Variants in KDM4B observed in about 807,000 individuals in gnomAD.
KDM4B encodes the protein lysine demethylase 4B, also known as lysine-specific demethylase 4B.
A neutral mutation model predicts 125.2 loss-of-function variants in KDM4B; 32 were observed. That is an observed-to-expected ratio of 0.26 (90% CI 0.19 to 0.34). KDM4B has a LOEUF of 0.34. KDM4B is among the 10% of genes least tolerant of loss of function. The pLI is 1.00. For synonymous variants in KDM4B, 721 were observed against 677.9 expected (o/e 1.06, Z -0.99); for missense variants, 1,190 against 1,577.7 (o/e 0.75, Z 4.16).
chr19:5,114,128 C>G lies in KDM4B; in HGVS notation c.1115+3310C>G. On this transcript the variant is annotated intron_variant, in intron 10 of 22. Transcript: ENST00000159111. The surrounding 1 kb of genome is among the most constrained non-coding windows in gnomAD (Gnocchi z 5.8). ...TGTGCGTTCTGGTGCCCTGCCTGAG[C>G]CGGAGCCCTCACAGTGCTCTCTGGC... 3.1e-6 allele frequency: 4 copies of G among 1,289,568 alleles called. No homozygotes were observed. Among genetic ancestry groups the G allele is most frequent in the South Asian group, 2.5e-5 (2 of 81,024 alleles). 79.9% of individuals were successfully genotyped at this position (1,289,568 alleles called of 1,614,324 possible).
At chr19:5,145,902 G>A (rs916129429) in intron 21 of KDM4B, among the ~76,000 whole-genome samples, 10 of 152,172 alleles carry the variant, frequency 6.6e-5, no homozygotes, top group Admixed American at 1.3e-4. Context: ...TCTTTACCAC[G>A]TCGGTTAAGG....
At chr19:5,026,872 C>G (rs1599445653) in intron 2 of KDM4B, among the ~76,000 whole-genome samples, 1 of 152,356 alleles carries the variant, frequency 6.6e-6, no homozygotes, top group East Asian at 1.9e-4. Flanking sequence ...TAGGAGCTGA[C>G]TGCCGCCCCC....
intron 3 of KDM4B, among the ~76,000 whole-genome samples, chr19:5,038,355 G>T (rs1054166047): frequency 1.3e-5 from 2 of 152,242 alleles, no homozygotes; most frequent in South Asian, 2.1e-4. Flanking sequence ...GGAACATGAG[G>T]CTGGGGACAA....
chr19:5,125,271 C>A (rs1003568565), intron 11 of KDM4B, among the ~76,000 whole-genome samples: 1 of 152,188 alleles, frequency 6.6e-6, no homozygotes, highest in Non-Finnish European at 1.5e-5. Flanking sequence ...CCAGCCCCGG[C>A]GTTACCTGCT....
At chr19:5,113,642 T>C (rs2039195874) in intron 10 of KDM4B, among the ~76,000 whole-genome samples, 1 of 152,150 alleles carries the variant, frequency 6.6e-6, no homozygotes, top group African/African-American at 2.4e-5. Context: ...CTTCTCTGGT[T>C]GGGGGAGCAT....
intron 21 of KDM4B, among the ~76,000 whole-genome samples, chr19:5,149,327 A>G (rs370486777): frequency 1.7e-3 from 257 of 152,268 alleles, no homozygotes; most frequent in African/African-American, 5.8e-3. Context: ...TGACAGTCTT[A>G]TGTGTGCATT....
At chr19:5,051,829 C>G (rs2620815) in intron 6 of KDM4B, among the ~76,000 whole-genome samples, 91,912 of 152,182 alleles carry the variant, frequency 0.6, 28,267 homozygotes, top group East Asian at 0.94. Flanking sequence ...CCCCCATTGC[C>G]CCAGGCAGGA....
At chr19:5,111,900 G>A in intron 10 of KDM4B, 1 of 738,134 alleles carries the variant, frequency 1.4e-6, no homozygotes, top group Admixed American at 1.8e-5. Flanking sequence ...CTGAAATCCA[G>A]ATCTCATGAT....
chr19:5,149,588 C>T (rs572790407), intron 21 of KDM4B, among the ~76,000 whole-genome samples: 5 of 152,356 alleles, frequency 3.3e-5, no homozygotes, highest in East Asian at 3.9e-4. Flanking sequence ...CTTGGGAACA[C>T]GGCGCCCATC....
At chr19:5,045,305 C>T (rs2036990483) in intron 5 of KDM4B, among the ~76,000 whole-genome samples, 2 of 152,216 alleles carry the variant, frequency 1.3e-5, no homozygotes, top group African/African-American at 2.4e-5. Flanking sequence ...GCTGCCTTCG[C>T]GGCGGGGCCC....
At position 4,971,686 on chromosome 19, in the gene KDM4B, G is replaced by A. The variant is rs537768116; in HGVS notation, c.-109+2456G>A. On this transcript the variant is annotated intron_variant, in intron 1 of 22. Coordinates refer to ENST00000159111, the MANE Select transcript of KDM4B (RefSeq NM_015015.3). This position sits in a 1 kb window ranked among gnomAD's most constrained non-coding sequence, Gnocchi z 4.1. Reference sequence around the variant, plus strand: ...GGGTGAGCTGGCTGCCCAGGGCCTGGTCACAGCTGGAATGGTGGTGTGCAG... The same window carrying A: ...GGGTGAGCTGGCTGCCCAGGGCCTGATCACAGCTGGAATGGTGGTGTGCAG... Among the ~76,000 whole-genome samples, 1 of 152,296 alleles carries A rather than the reference G, an allele frequency of 6.6e-6. No homozygotes were observed. The highest frequency in any genetic ancestry group is 1.9e-4 in the East Asian group (1 of 5,180).
In KDM4B at chr19:5,108,108, G is replaced by A. The variant is rs2039070637; in HGVS notation, c.919-2514G>A. On this transcript the variant is annotated intron_variant, in intron 9 of 22. Transcript: ENST00000159111. ...GGCTCAGGCCGTGCTCCAGGCCGTG[G>A]CAGTGCACTCCGTGGAGCGTGTCTG... 2.6e-5 allele frequency among the ~76,000 whole-genome samples: 4 copies of A among 152,364 alleles called. No individual in the cohort carries two copies. In the South Asian group the frequency reaches 6.2e-4, roughly 24 times the overall value.
At chr19:5,015,303 G>A (rs991754604) in intron 1 of KDM4B, among the ~76,000 whole-genome samples, 3 of 152,020 alleles carry the variant, frequency 2.0e-5, no homozygotes, top group African/African-American at 7.2e-5. Context: ...GTTGGAGTGC[G>A]TGCAATGGCA....
intron 1 of KDM4B, among the ~76,000 whole-genome samples, chr19:4,978,067 CAGG>C (rs2034509890): frequency 2.0e-5 from 3 of 152,194 alleles, no homozygotes; most frequent in African/African-American, 7.2e-5. Flanking sequence ...TTGTCTTGCT[CAGG>C]AGAGAGAGAA....
rs374860856 is a variant in KDM4B at position 5,151,454 on chromosome 19, C to T, written c.3234C>T (p.Tyr1078=). ...AGGACTCCGGGCGGAGCCAGGACTA[C>T]GTGGCCTTCGTGGAGAGCCTCCTGC... ...ATEDSGRSQD[Y]VAFVESLLQV... is the part of the protein sequence containing the mutation. Residue 1078 remains tyrosine, a synonymous_variant, in exon 23 of 23, where the codon TAC becomes TAT. Coordinates refer to ENST00000159111, the MANE Select transcript of KDM4B (RefSeq NM_015015.3). 1.3e-5 allele frequency: 20 copies of T among 1,529,052 alleles called. No individual in the cohort carries two copies. Among genetic ancestry groups the T allele is most frequent in the Admixed American group, 2.0e-5 (1 of 50,126 alleles). The allele number at this position is 1,529,052 out of a possible 1,614,324, so 94.7% of individuals were successfully genotyped here. A position where few individuals can be genotyped will look rare whatever the true frequency, so the allele number is the denominator to read the frequency against.
chr19:4,973,303 C>T lies in KDM4B; in HGVS notation c.-109+4073C>T, dbSNP rs552730672. 2.0e-5 allele frequency among the ~76,000 whole-genome samples: 3 copies of T among 152,270 alleles called. No homozygotes were observed. The East Asian group carries it at 5.8e-4, about 29-fold the overall frequency. The stretch of plus-strand genomic sequence containing the variant: ...TCCCGGGTTCAAGTGATTCTCTGGC[C>T]TCAGCCTCCCGAGTAGCTGGGATTA... On this transcript the variant is annotated intron_variant, in intron 1 of 22. Coordinates refer to ENST00000159111, the MANE Select transcript of KDM4B (RefSeq NM_015015.3).
intron 9 of KDM4B, among the ~76,000 whole-genome samples, chr19:5,095,922 C>A (rs950459255): frequency 8.5e-5 from 13 of 152,310 alleles, no homozygotes; most frequent in African/African-American, 3.1e-4. Flanking sequence ...AGAGTGGGTG[C>A]TATGGACCCC....
At position 5,144,860 on chromosome 19, in the gene KDM4B, C is replaced by T. The variant is rs768399953; in HGVS notation, c.2979C>T (p.Tyr993=). The T allele has an allele frequency of 3.7e-6, 6 of 1,612,904 alleles. No individual in the cohort carries two copies. The highest frequency in any genetic ancestry group is 2.5e-6 in the Non-Finnish European group (3 of 1,179,760). ...TCCGGTGGACTGACGGCAACCTCTACAAGGCCAAGTTCATCTCCTCCGTCA... is the reference window on the plus strand; with the variant it reads ...TCCGGTGGACTGACGGCAACCTCTATAAGGCCAAGTTCATCTCCTCCGTCA... ...VELRWTDGNL[Y]KAKFISSVTS... Residue 993 remains tyrosine, a synonymous_variant, in exon 21 of 23, where the codon TAC becomes TAT. Transcript: ENST00000159111.
chr19:5,072,663 A>G (rs112434740), intron 7 of KDM4B, among the ~76,000 whole-genome samples: 1 of 152,226 alleles, frequency 6.6e-6, no homozygotes, highest in South Asian at 2.1e-4. Flanking sequence ...AACATTCCCC[A>G]TGTTGTATTA....
Sources: gnomAD v4.1 joint callset for allele counts (sites outside exome capture counted in the v4.1 genomes callset) on GRCh38, gnomAD v4.1.1 for gene constraint, Gnocchi (gnomAD v3.1) non-coding constraint, MANE v1.5 for transcripts, NCBI Gene and HGNC (gene_info 2026-07-23, HGNC 2026-07-21) for gene names.